The following CUBN variants were observed in gnomAD, a reference collection of about 807,000 sequenced individuals.
CUBN encodes 460 kDa receptor.
A neutral mutation model predicts 405.3 loss-of-function variants in CUBN; 282 were observed. The ratio of observed to expected loss-of-function variants is 0.70; its 90% CI spans 0.63 to 0.77. The LOEUF (loss-of-function observed/expected upper bound fraction) is 0.77, where lower values mean the gene tolerates loss of function less well. CUBN is among the 30% of genes least tolerant of loss of function. CUBN has a pLI of 0.00. For synonymous variants in CUBN, 1,684 were observed against 1,617.0 expected, an observed-to-expected ratio of 1.04 and a Z score of -0.99; for missense variants, 4,514 against 4,475.2, an observed-to-expected ratio of 1.01 and a Z score of -0.25.
chr10:16,954,379 G>A lies in CUBN; in HGVS notation c.4855+10C>T, dbSNP rs1564445037. ...TCTCTTGTGCCTGGGAAGATCCACA[G>A]GGTACTTGCCTTGCCTGAATTGAGC... On this transcript the variant is annotated intron_variant, in intron 32 of 66. Coordinates refer to ENST00000377833, the MANE Select transcript of CUBN (RefSeq NM_001081.4). 1 of 1,614,038 alleles carries A rather than the reference G, an allele frequency of 6.2e-7. No homozygotes were observed. Among genetic ancestry groups the A allele is most frequent in the Non-Finnish European group, 8.5e-7 (1 of 1,179,950 alleles).
In CUBN at chr10:16,988,783, G is replaced by A. The variant is rs79736351; in HGVS notation, c.4350+1551C>T. The stretch of plus-strand genomic sequence containing the variant: ...CTATGGTCTCAGGATTTACTGGAGT[G>A]TTGAGCAGTGACTGGCTTCAGTTAT... On this transcript the variant is annotated intron_variant, in intron 29 of 66. Transcript: ENST00000377833. Among the ~76,000 whole-genome samples, 366 of 152,280 alleles carry A rather than the reference G, an allele frequency of 2.4e-3. 1 individual carries two copies. Among genetic ancestry groups the A allele is most frequent in the East Asian group, 0.015 (79 of 5,178 alleles).
intron 26 of CUBN, among the ~76,000 whole-genome samples, chr10:17,042,623 T>C (rs949258023): frequency 3.3e-5 from 5 of 152,160 alleles, no homozygotes; most frequent in African/African-American, 1.2e-4. Flanking sequence ...AATGATTACA[T>C]AGTCAAACAG....
intron 54 of CUBN, among the ~76,000 whole-genome samples, chr10:16,895,128 G>A (rs1007515380): frequency 6.6e-6 from 1 of 152,128 alleles, no homozygotes; most frequent in African/African-American, 2.4e-5. Flanking sequence ...GTTCTCTCCA[G>A]CTCAGCTCAG....
At chr10:16,936,259 T>G (rs548458221) in intron 39 of CUBN, among the ~76,000 whole-genome samples, 1 of 152,306 alleles carries the variant, frequency 6.6e-6, no homozygotes, top group Admixed American at 6.5e-5. Context: ...AAAGAAAGCT[T>G]AACTCAAGTT....
chr10:16,921,631 T>TCTCCTCCTTTTA lies in CUBN; in HGVS notation c.6647-1506_6647-1495dup, dbSNP rs1247245705. On this transcript the variant is annotated intron_variant, in intron 43 of 66. Coordinates refer to ENST00000377833, the MANE Select transcript of CUBN (RefSeq NM_001081.4). ...CCCTTGGCTTCTGACACCAAGCTCT[T>TCTCCTCCTTTTA]CTCCTCCTTTTACTCTTCATGTCAT... Among the ~76,000 whole-genome samples the TCTCCTCCTTTTA allele has an allele frequency of 2.0e-5, 3 of 152,326 alleles. No homozygotes were observed. In the East Asian group the frequency reaches 5.8e-4, roughly 29 times the overall value.
chr10:16,999,370 G>A (rs1402854756), intron 28 of CUBN, among the ~76,000 whole-genome samples: 1 of 152,166 alleles, frequency 6.6e-6, no homozygotes, highest in African/African-American at 2.4e-5. Flanking sequence ...ACCTAGAGAA[G>A]TTAGCCAATC....
At chr10:16,869,924 CA>C (rs909487730) in intron 58 of CUBN, 71 bp from the exon 59 acceptor site, 382 of 1,134,472 alleles carry the variant, frequency 3.4e-4, no homozygotes, top group Non-Finnish European at 4.2e-4. Flanking sequence ...TTAGCTCTTG[CA>C]AAAAAAATGA....
chr10:16,841,839 G>A (rs1046706788), intron 60 of CUBN, among the ~76,000 whole-genome samples: 10 of 149,134 alleles, frequency 6.7e-5, no homozygotes, highest in Non-Finnish European at 1.2e-4. Context: ...CTTGAATCTA[G>A]GAGGTGGAGG....
At chr10:16,963,339 C>T (rs559507418) in intron 31 of CUBN, among the ~76,000 whole-genome samples, 1 of 151,594 alleles carries the variant, frequency 6.6e-6, no homozygotes, top group South Asian at 2.1e-4. Flanking sequence ...GTACACACCA[C>T]CACGCCCAGC....
chr10:16,967,433 C>T (rs570353745), intron 31 of CUBN, among the ~76,000 whole-genome samples: 1 of 152,160 alleles, frequency 6.6e-6, no homozygotes, highest in Non-Finnish European at 1.5e-5. Context: ...CAAGCCAAAC[C>T]AAACCCGTGT....
intron 22 of CUBN, among the ~76,000 whole-genome samples, chr10:17,059,672 A>G (rs1321133466): frequency 1.3e-5 from 2 of 152,214 alleles, no homozygotes; most frequent in Non-Finnish European, 2.9e-5. Flanking sequence ...AAGGGAAGAT[A>G]TAATTACAGG....
At chr10:16,922,663 C>A (rs1842068800) in intron 43 of CUBN, among the ~76,000 whole-genome samples, 1 of 152,114 alleles carries the variant, frequency 6.6e-6, no homozygotes, top group Admixed American at 6.5e-5. Flanking sequence ...GTAGTGAATT[C>A]TTTCAAATTA....
chr10:17,126,653 T>A lies in CUBN; in HGVS notation c.387+108A>T, dbSNP rs192628582. The A allele has an allele frequency of 8.9e-5, 113 of 1,265,962 alleles. No individual in the cohort carries two copies. The East Asian group carries it at 2.4e-3, about 27-fold the overall frequency. The allele number at this position is 1,265,962 out of a possible 1,614,324, so 78.4% of individuals were successfully genotyped here. Reference sequence around the variant, plus strand: ...AATTAAATTATGGGAAAAAGCAAGTTTTTAATATTAATCATCCATTCACCT... The same window carrying A: ...AATTAAATTATGGGAAAAAGCAAGTATTTAATATTAATCATCCATTCACCT... On this transcript the variant is annotated intron_variant, in intron 4 of 66. Transcript: ENST00000377833.
rs150488625 is a variant in CUBN, at chr10:16,890,455, C to T, written c.8671G>A (p.Val2891Ile). ...GTGAATGTGTTACTTGGTGTGATAA[C>T]GGGACCCGGAGCCACGTTCCCACAG... is the stretch of plus-strand genomic sequence containing the variant. ...TGCGNVAPGP[V>I]ITPSNTFTAV... The change falls in exon 55 of 67, where the codon GTT becomes ATT. Residue 2891 changes from valine to isoleucine, a missense_variant. Val to Ile is a conservative substitution (Grantham distance 29). This residue lies in a region of CUBN where 1,186 missense variants were observed against 1,186.9 expected (regional missense o/e 1.00). Coordinates refer to ENST00000377833, the MANE Select transcript of CUBN (RefSeq NM_001081.4). 1.1e-3 allele frequency: 1,855 copies of T among 1,614,102 alleles called. 12 individuals carry two copies. The highest frequency in any genetic ancestry group is 0.01 in the South Asian group (935 of 91,082).
chr10:16,991,276 T>A (rs1265580456), intron 28 of CUBN, among the ~76,000 whole-genome samples: 1 of 152,238 alleles, frequency 6.6e-6, no homozygotes, highest in Non-Finnish European at 1.5e-5. Flanking sequence ...GTTTCCGTAC[T>A]CATAAGGACC....
Position 16,937,741 on chromosome 10 carries a change from T to C in CUBN, c.5777A>G (p.Tyr1926Cys). 6.2e-7 allele frequency: 1 copy of C among 1,614,112 alleles called. No homozygotes were observed. Among genetic ancestry groups the C allele is most frequent in the Non-Finnish European group, 8.5e-7 (1 of 1,180,002 alleles). Reference sequence around the variant, plus strand: ...GAAAGATTCAGTCTGGGTACCACAGTAAGCTCCAATTAGGCGGGCGTGAAT... The same window carrying C: ...GAAAGATTCAGTCTGGGTACCACAGCAAGCTCCAATTAGGCGGGCGTGAAT... ...PSIHARLIGAYCGTQTESFSS... is the reference protein window; with the variant it reads ...PSIHARLIGACCGTQTESFSS... Residue 1926 changes from tyrosine to cysteine, a missense_variant, in exon 39 of 67, where the codon TAC becomes TGC. Tyr to Cys is a radical substitution (Grantham distance 194). Coordinates refer to ENST00000377833, the MANE Select transcript of CUBN (RefSeq NM_001081.4).
chr10:17,019,692 A>C, intron 28 of CUBN, 141 bp downstream of exon 28: 1 of 979,814 alleles, frequency 1.0e-6, no homozygotes, highest in Non-Finnish European at 1.6e-6. Context: ...ATCTAAGTAT[A>C]TTTCTTAAAC....
rs1236540013 is a variant in CUBN at position 16,901,918 on chromosome 10, T to TATATATATATACACAC, written c.8063-460_8063-459insGTGTGTATATATATAT. ...ATATATATATATATATATATATATA[T>TATATATATATACACAC]ACACACACACACACACACCATATAT... On this transcript the variant is annotated intron_variant, in intron 51 of 66. Transcript: ENST00000377833. Among the ~76,000 whole-genome samples the TATATATATATACACAC allele has an allele frequency of 2.5e-3, 277 of 109,882 alleles. 5 individuals are homozygous for TATATATATATACACAC. The Middle Eastern group carries it at 0.042, about 17-fold the overall frequency. The allele number at this position is 109,882 out of a possible 152,430, so 72.1% of individuals were successfully genotyped here. A position where few individuals can be genotyped will look rare whatever the true frequency, so the allele number is the denominator to read the frequency against.
chr10:17,071,665 A>T (rs2131848867), intron 18 of CUBN, 61 bp from the exon 19 acceptor site: 2 of 1,555,372 alleles, frequency 1.3e-6, no homozygotes, highest in Admixed American at 3.4e-5. Context: ...TCTCAATTTT[A>T]TTGCAAAATC....
Sources: allele counts gnomAD v4.1 joint callset (sites outside exome capture counted in the v4.1 genomes callset), GRCh38; gene constraint gnomAD v4.1.1; regional missense constraint gnomAD v4.1.1; transcripts MANE v1.5; gene names NCBI Gene and HGNC (gene_info 2026-07-23, HGNC 2026-07-21).